WDTC1: variants seen among roughly 807,000 people sequenced by gnomAD.
The protein encoded by WDTC1 is WD and tetratricopeptide repeats 1, also known as WD and tetratricopeptide repeats protein 1.
WDTC1 carries 12 observed loss-of-function variants against 76.0 expected under a neutral mutation model. That is an observed-to-expected ratio of 0.16 (90% CI 0.10 to 0.26). The LOEUF (loss-of-function observed/expected upper bound fraction) is 0.26. Among genes scored for constraint, WDTC1 ranks in the 10% least tolerant of loss-of-function variants. WDTC1 has a pLI of 1.00. For missense variants in WDTC1, 511 were observed against 908.8 expected (o/e 0.56, Z 5.63); for synonymous variants, 326 against 350.8 (o/e 0.93, Z 0.79).
Position 27,306,330 on chromosome 1 carries a change from G to A in WDTC1, c.1981G>A (p.Ala661Thr), listed in dbSNP as rs767450561. 1.2e-6 allele frequency: 2 copies of A among 1,613,766 alleles called. No individual in the cohort carries two copies. The highest frequency in any genetic ancestry group is 1.7e-5 in the Admixed American group (1 of 60,012). The change falls in exon 16 of 16, where the codon GCC becomes ACC. Residue 661 changes from alanine (A) to threonine (T), a missense_variant. Ala to Thr is a moderately conservative substitution (Grantham distance 58). Coordinates refer to ENST00000319394, the MANE Select transcript of WDTC1 (RefSeq NM_001276252.2). This position sits in a 1 kb window ranked among gnomAD's most constrained non-coding sequence, Gnocchi z 5.0. ...GGGCCTGAGCAGTGGGGGTGCCGGGGCCTCTGATGATGAGGACAGCTCTGA... is the reference window on the plus strand; with the variant it reads ...GGGCCTGAGCAGTGGGGGTGCCGGGACCTCTGATGATGAGGACAGCTCTGA... ...ITGLSSGGAG[A>T]SDDEDSSEGQ...
At chr1:27,296,793 C>CCCAGCCCCAGCCCTAGCT (rs2013702327) in intron 10 of WDTC1, among the ~76,000 whole-genome samples, 1 of 150,220 alleles carries the variant, frequency 6.7e-6, no homozygotes, top group Non-Finnish European at 1.5e-5. Flanking sequence ...CAACCCTAGC[C>CCCAGCCCCAGCCCTAGCT]CCAGCCCCAG....
chr1:27,297,925 A>G lies in WDTC1; in HGVS notation c.1059-13A>G, dbSNP rs370616800. 931 of 1,602,774 alleles carry G rather than the reference A, an allele frequency of 5.8e-4. 2 individuals carry two copies. Among genetic ancestry groups the G allele is most frequent in the Non-Finnish European group, 7.5e-4 (881 of 1,172,684 alleles). ...TCTTTGACTGTTCTGACTTGGCTCT[A>G]TTTCCCCTGCAGCCCCCAAGTAGAG... On this transcript the variant is annotated splice_polypyrimidine_tract_variant and intron_variant, in intron 11 of 15. Transcript: ENST00000319394.
At chr1:27,291,302 G>A (rs1447755900) in intron 6 of WDTC1, among the ~76,000 whole-genome samples, 1 of 152,234 alleles carries the variant, frequency 6.6e-6, no homozygotes, top group African/African-American at 2.4e-5. Flanking sequence ...GTGAAATTGA[G>A]TCTTGAAAAC....
Position 27,275,572 on chromosome 1 carries a change from T to C in WDTC1, c.133-6667T>C, listed in dbSNP as rs1462992477. Among the ~76,000 whole-genome samples, 3 of 150,678 alleles carry C rather than the reference T, an allele frequency of 2.0e-5. No individual in the cohort carries two copies. The East Asian group carries it at 5.9e-4, about 29-fold the overall frequency. ...GGCGGAGGTTGCAGTGAGCCGAGAT[T>C]GCACCACTGCACTCTAACCTGGGCG... On this transcript the variant is annotated intron_variant, in intron 3 of 15. Transcript: ENST00000319394.
intron 6 of WDTC1, among the ~76,000 whole-genome samples, chr1:27,289,351 G>A (rs564166968): frequency 4.6e-5 from 7 of 151,444 alleles, no homozygotes; most frequent in East Asian, 2.0e-4. Flanking sequence ...CAGACGGGGC[G>A]GCTGGGCAGA....
chr1:27,234,662 G>C lies in WDTC1; in HGVS notation c.-389G>C, dbSNP rs1239278241. ...TCTCCTGGGTCCCCAGACAGCTGGA[G>C]GAGATAAACAGAGGAGGAGGAGGGA... is the stretch of plus-strand genomic sequence containing the variant. On this transcript the variant is annotated 5_prime_UTR_variant, in exon 1 of 16. Coordinates refer to ENST00000319394, the MANE Select transcript of WDTC1 (RefSeq NM_001276252.2). The C allele has an allele frequency of 7.6e-6, 3 of 396,790 alleles. No individual in the cohort carries two copies. The highest frequency in any genetic ancestry group is 1.3e-5 in the Non-Finnish European group (3 of 225,000). The allele number at this position is 396,790 out of a possible 1,614,324, so 24.6% of individuals were successfully genotyped here.
At chr1:27,250,823 GAT>G (rs2147915171) in intron 1 of WDTC1, among the ~76,000 whole-genome samples, 1 of 150,038 alleles carries the variant, frequency 6.7e-6, no homozygotes, top group Non-Finnish European at 1.5e-5. Context: ...TTGGCATTAT[GAT>G]TAGACTAATT....
intron 13 of WDTC1, among the ~76,000 whole-genome samples, chr1:27,302,349 G>A (rs554797616): frequency 2.0e-5 from 3 of 152,080 alleles, no homozygotes; most frequent in Non-Finnish European, 4.4e-5. Context: ...ATGCTGGGAG[G>A]GGGTGGGCTT....
intron 3 of WDTC1, among the ~76,000 whole-genome samples, chr1:27,275,630 A>T (rs80135434): frequency 0.065 from 9,920 of 151,808 alleles, 509 homozygotes; most frequent in African/African-American, 0.14. Flanking sequence ...AAAAAAAAAA[A>T]AAATAAAGAA....
chr1:27,276,296 C>T (rs2013026353), intron 3 of WDTC1, among the ~76,000 whole-genome samples: 1 of 152,188 alleles, frequency 6.6e-6, no homozygotes, highest in Non-Finnish European at 1.5e-5. Flanking sequence ...TTTTGAGGAA[C>T]TGCCAAACTG....
At chr1:27,283,542 C>A in intron 5 of WDTC1, 93 bp downstream of exon 5, 2 of 1,094,638 alleles carry the variant, frequency 1.8e-6, no homozygotes, top group Non-Finnish European at 2.7e-6. Context: ...TGTGTGTGTC[C>A]CATATACCGT....
At chr1:27,290,326 C>G (rs1323501688) in intron 6 of WDTC1, among the ~76,000 whole-genome samples, 1 of 152,144 alleles carries the variant, frequency 6.6e-6, no homozygotes, top group Non-Finnish European at 1.5e-5. Flanking sequence ...TCAAGTGATC[C>G]TCCCACCTCG....
chr1:27,256,773 GCTC>G, intron 1 of WDTC1, among the ~76,000 whole-genome samples: 1 of 152,300 alleles, frequency 6.6e-6, no homozygotes, highest in East Asian at 1.9e-4. Context: ...TGTAGTAAAA[GCTC>G]CTTATGTTCA....
At chr1:27,263,986 A>C (rs915926439) in intron 3 of WDTC1, among the ~76,000 whole-genome samples, 3 of 151,812 alleles carry the variant, frequency 2.0e-5, no homozygotes, top group Non-Finnish European at 4.4e-5. Context: ...AGGGATGTAG[A>C]CTGAGAATAG....
In WDTC1 at chr1:27,300,940, G is replaced by A. The variant is rs2013816308; in HGVS notation, c.1233-286G>A. 2.6e-5 allele frequency among the ~76,000 whole-genome samples: 4 copies of A among 152,196 alleles called. No individual in the cohort carries two copies. The South Asian group carries it at 8.3e-4, about 32-fold the overall frequency. Reference sequence around the variant, plus strand: ...CTGCTGCAGAGCTGCGGGTGCCTGGGGTGAGCCAGTGTGCAGTTGCACTCT... The same window carrying A: ...CTGCTGCAGAGCTGCGGGTGCCTGGAGTGAGCCAGTGTGCAGTTGCACTCT... On this transcript the variant is annotated intron_variant, in intron 12 of 15. Coordinates refer to ENST00000319394, the MANE Select transcript of WDTC1 (RefSeq NM_001276252.2).
In WDTC1 at chr1:27,304,988, G is replaced by GC. The variant is rs572004121; in HGVS notation, c.1644-6dup. 2.1e-4 allele frequency: 345 copies of GC among 1,606,126 alleles called. No homozygotes were observed. Among genetic ancestry groups the GC allele is most frequent in the African/African-American group, 1.7e-3 (125 of 74,814 alleles). ...ACCCCACCTGACCTCCCTGCCCTTT[G>GC]CCCCCCCGCCAGCAACGCTCAGTAT... On this transcript the variant is annotated splice_polypyrimidine_tract_variant and intron_variant, in intron 14 of 15. Coordinates refer to ENST00000319394, the MANE Select transcript of WDTC1 (RefSeq NM_001276252.2).
intron 1 of WDTC1, among the ~76,000 whole-genome samples, chr1:27,257,704 C>T (rs2012329073): frequency 6.6e-6 from 1 of 152,186 alleles, no homozygotes; most frequent in Non-Finnish European, 1.5e-5. Context: ...ATGCCAGCGA[C>T]TGCCATATCT....
chr1:27,263,207 G>A lies in WDTC1; in HGVS notation c.104G>A (p.Arg35Gln), dbSNP rs138811320. 395 of 1,613,428 alleles carry A rather than the reference G, an allele frequency of 2.4e-4. 3 individuals carry two copies. In the African/African-American group the frequency reaches 4.9e-3, roughly 20 times the overall value. Residue 35 changes from arginine to glutamine, a missense_variant, in exon 3 of 16, where the codon CGG (arginine) becomes CAG (glutamine). Transcript: ENST00000319394. The stretch of plus-strand genomic sequence containing the variant: ...TACCATGTCACTGACCCCTTTATCC[G>A]GCGGCTGGGCCTGGAAGCAGAGCTG... Reference protein sequence around the residue: ...RRYHVTDPFIRRLGLEAELQG... With the variant: ...RRYHVTDPFIQRLGLEAELQG...
At position 27,296,309 on chromosome 1, in the gene WDTC1, G is replaced by A. The variant is rs937251401; in HGVS notation, c.874-17G>A. ...CCTCACAGCTTCCATCTCTTTTTTTGCCCCCCTCAACTCTAGGTCTATTTG... is the reference window on the plus strand; with the variant it reads ...CCTCACAGCTTCCATCTCTTTTTTTACCCCCCTCAACTCTAGGTCTATTTG... On this transcript the variant is annotated splice_polypyrimidine_tract_variant and intron_variant, in intron 9 of 15. Transcript: ENST00000319394. 6.2e-7 allele frequency: 1 copy of A among 1,611,420 alleles called. No homozygotes were observed. The highest frequency in any genetic ancestry group is 1.3e-5 in the African/African-American group (1 of 74,484).
Sources: allele counts gnomAD v4.1 joint callset (sites outside exome capture counted in the v4.1 genomes callset), GRCh38; gene constraint gnomAD v4.1.1; non-coding constraint Gnocchi (gnomAD v3.1); transcripts MANE v1.5; gene names NCBI Gene and HGNC (gene_info 2026-07-23, HGNC 2026-07-21).